Variants in UBE2H observed in about 807,000 individuals in gnomAD.
UBE2H encodes the protein ubiquitin-conjugating enzyme E2 H.
Under a neutral mutation model 29.0 loss-of-function variants are expected in UBE2H, and 3 were observed. The ratio of observed to expected loss-of-function variants is 0.10; its 90% CI spans 0.05 to 0.27. The LOEUF (loss-of-function observed/expected upper bound fraction) is 0.27, where lower values mean the gene tolerates loss of function less well. Among genes scored for constraint, UBE2H ranks in the 10% least tolerant of loss-of-function variants. The pLI is 1.00. For missense variants in UBE2H, 68 were observed against 228.2 expected (o/e 0.30, Z 4.52); for synonymous variants, 69 against 82.9 (o/e 0.83, Z 0.91).
chr7:129,889,967 CA>C (rs1194892612), intron 1 of UBE2H, among the ~76,000 whole-genome samples: 1 of 151,810 alleles, frequency 6.6e-6, no homozygotes, highest in African/African-American at 2.4e-5. Flanking sequence ...CCCATCACTA[CA>C]AAAAACACCA....
intron 1 of UBE2H, among the ~76,000 whole-genome samples, chr7:129,948,613 G>A (rs538960223): frequency 1.2e-4 from 18 of 152,240 alleles, no homozygotes; most frequent in African/African-American, 4.3e-4. Context: ...CAGGAGTTGG[G>A]AGGCCAGCCT....
At chr7:129,835,913 G>T (rs918030116) in intron 6 of UBE2H, among the ~76,000 whole-genome samples, 1 of 152,188 alleles carries the variant, frequency 6.6e-6, no homozygotes, top group Non-Finnish European at 1.5e-5. Context: ...AAGATAAGCT[G>T]AATGGCCAAA....
At chr7:129,857,592 T>C (rs749939086) in intron 4 of UBE2H, 29 bp from the exon 5 acceptor site, 4 of 1,603,030 alleles carry the variant, frequency 2.5e-6, no homozygotes, top group Non-Finnish European at 3.4e-6. Flanking sequence ...ATGGCATGTT[T>C]TTAAAAATTA....
intron 1 of UBE2H, among the ~76,000 whole-genome samples, chr7:129,884,170 C>T (rs1171069367): frequency 4.6e-5 from 7 of 152,126 alleles, no homozygotes; most frequent in African/African-American, 1.4e-4. Context: ...GTAATCCCAA[C>T]ACTTTGGGGG....
chr7:129,904,319 T>C (rs934833882), intron 1 of UBE2H, among the ~76,000 whole-genome samples: 3 of 152,032 alleles, frequency 2.0e-5, no homozygotes, highest in African/African-American at 7.2e-5. Flanking sequence ...GGGATCTCGC[T>C]GTGTTGGCGA....
chr7:129,856,059 G>C (rs1563023596), intron 5 of UBE2H, among the ~76,000 whole-genome samples: 1 of 152,122 alleles, frequency 6.6e-6, no homozygotes, highest in Non-Finnish European at 1.5e-5. Flanking sequence ...AAGATCAGGG[G>C]GGAATATCCC....
chr7:129,846,069 C>T (rs927597713), intron 5 of UBE2H, among the ~76,000 whole-genome samples: 2 of 152,114 alleles, frequency 1.3e-5, no homozygotes, highest in South Asian at 2.1e-4. Flanking sequence ...TTGCCCTATT[C>T]CAGGTGACTC....
chr7:129,855,627 T>C (rs1805690453), intron 5 of UBE2H, among the ~76,000 whole-genome samples: 1 of 152,146 alleles, frequency 6.6e-6, no homozygotes, highest in Admixed American at 6.5e-5. Flanking sequence ...TGCGTGTGCG[T>C]GTGTATAGAG....
In UBE2H at chr7:129,890,284, T is replaced by C. The variant is rs138694207; in HGVS notation, c.54-9313A>G. Among the ~76,000 whole-genome samples the C allele has an allele frequency of 8.1e-4, 123 of 151,996 alleles. 3 individuals are homozygous for C. In the East Asian group the frequency reaches 0.02, roughly 25 times the overall value. On this transcript the variant is annotated intron_variant, in intron 1 of 6. Coordinates refer to ENST00000355621, the MANE Select transcript of UBE2H (RefSeq NM_003344.4). ...ACGTATATATACACACGTATATATATACACGTGTATATGTATACATACGTG... is the reference window on the plus strand; with the variant it reads ...ACGTATATATACACACGTATATATACACACGTGTATATGTATACATACGTG...
intron 3 of UBE2H, among the ~76,000 whole-genome samples, chr7:129,871,840 C>T (rs2727490): frequency 0.46 from 70,008 of 152,052 alleles, 18,098 homozygotes; most frequent in East Asian, 0.63. Flanking sequence ...TTTTGCCTCC[C>T]CAGCCCCAAA....
chr7:129,852,658 G>A (rs770915373), intron 5 of UBE2H, among the ~76,000 whole-genome samples: 3 of 152,070 alleles, frequency 2.0e-5, no homozygotes, highest in Non-Finnish European at 4.4e-5. Context: ...GCAACCCTAA[G>A]AGTGAAAATG....
chr7:129,849,008 A>G (rs1319824032), intron 5 of UBE2H, among the ~76,000 whole-genome samples: 2 of 152,156 alleles, frequency 1.3e-5, no homozygotes, highest in Admixed American at 6.5e-5. Context: ...CAAAGCAGCA[A>G]TATTAATAAT....
intron 1 of UBE2H, among the ~76,000 whole-genome samples, chr7:129,896,461 G>A (rs190227560): frequency 8.8e-4 from 134 of 152,182 alleles, no homozygotes; most frequent in Admixed American, 1.4e-3. Flanking sequence ...GTCCAGTGGC[G>A]AGATCCCGGC....
intron 3 of UBE2H, 142 bp from the exon 4 acceptor site, chr7:129,859,083 A>C: frequency 3.1e-6 from 2 of 648,656 alleles, no homozygotes; most frequent in Non-Finnish European, 5.3e-6. Context: ...TTCATTACTG[A>C]TAAACATTAT....
chr7:129,865,947 T>C (rs2693723), intron 3 of UBE2H, among the ~76,000 whole-genome samples: 136,031 of 152,086 alleles, frequency 0.89, 61,297 homozygotes, highest in East Asian at 0.96. Flanking sequence ...TGAGTAAGGG[T>C]GGGGGGGTGC....
At chr7:129,912,266 C>T (rs76390020) in intron 1 of UBE2H, among the ~76,000 whole-genome samples, 9,387 of 152,274 alleles carry the variant, frequency 0.062, 362 homozygotes, top group Non-Finnish European at 0.091. Context: ...ATATTTACTA[C>T]AGGCTGAGTA....
At chr7:129,870,651 G>C (rs545153221) in intron 3 of UBE2H, among the ~76,000 whole-genome samples, 1 of 152,200 alleles carries the variant, frequency 6.6e-6, no homozygotes, top group Non-Finnish European at 1.5e-5. Context: ...AGCATCTCCG[G>C]CTACAAAAGC....
chr7:129,906,866 A>G (rs1806828488), intron 1 of UBE2H, among the ~76,000 whole-genome samples: 1 of 152,324 alleles, frequency 6.6e-6, no homozygotes, highest in Middle Eastern at 3.4e-3. Context: ...ATCCGTGCCA[A>G]AAGTCCAAAG....
chr7:129,856,013 A>G (rs1584746749), intron 5 of UBE2H, among the ~76,000 whole-genome samples: 1 of 152,280 alleles, frequency 6.6e-6, no homozygotes. Flanking sequence ...TGAGGAAGTA[A>G]TATGTGAGAT....
Sources: allele counts gnomAD v4.1 joint callset (sites outside exome capture counted in the v4.1 genomes callset), GRCh38; gene constraint gnomAD v4.1.1; transcripts MANE v1.5; gene names NCBI Gene and HGNC (gene_info 2026-07-23, HGNC 2026-07-21).